EBF2: variants seen among roughly 807,000 people sequenced by gnomAD.
EBF2 encodes the protein EBF transcription factor 2.
In EBF2, 21 loss-of-function variants were observed where a neutral mutation model predicts 72.8. The ratio of observed to expected loss-of-function variants is 0.29; its 90% CI spans 0.20 to 0.42. EBF2 has a LOEUF of 0.42. Ranked by LOEUF, EBF2 falls within the 10% of genes least tolerant of loss-of-function variation. The probability of loss-of-function intolerance (pLI) is 1.00; values close to 1 mark genes in which losing one functional copy is unlikely to be tolerated. For missense variants in EBF2, 637 were observed against 731.2 expected, an observed-to-expected ratio of 0.87 and a Z score of 1.49; for synonymous variants, 299 against 274.2, an observed-to-expected ratio of 1.09 and a Z score of -0.89.
At chr8:25,899,197 T>G (rs1382888256) in intron 7 of EBF2, among the ~76,000 whole-genome samples, 1 of 151,466 alleles carries the variant, frequency 6.6e-6, no homozygotes, top group Admixed American at 6.6e-5. Flanking sequence ...TCCCCAAGCT[T>G]ACATCATTGG....
At chr8:26,033,031 G>A in intron 6 of EBF2, 54 bp downstream of exon 6, 1 of 1,509,032 alleles carries the variant, frequency 6.6e-7, no homozygotes, top group East Asian at 2.3e-5. Flanking sequence ...TCAGAGTTGA[G>A]GTTCATGAAG....
intron 10 of EBF2, among the ~76,000 whole-genome samples, chr8:25,882,585 A>C (rs1802622168): frequency 6.6e-6 from 1 of 152,200 alleles, no homozygotes; most frequent in Non-Finnish European, 1.5e-5. Context: ...TTCTTCCTGA[A>C]GAGCCAGTTG....
At chr8:25,925,527 C>T (rs1485546108) in intron 6 of EBF2, among the ~76,000 whole-genome samples, 1 of 152,192 alleles carries the variant, frequency 6.6e-6, no homozygotes, top group African/African-American at 2.4e-5. Context: ...TGAGTGTATG[C>T]TCTCACCCCC....
At chr8:25,907,923 C>T (rs1221135398) in intron 7 of EBF2, among the ~76,000 whole-genome samples, 1 of 152,144 alleles carries the variant, frequency 6.6e-6, no homozygotes, top group Admixed American at 6.5e-5. Flanking sequence ...CTCCTCAGTA[C>T]ATCAGTGGCA....
intron 6 of EBF2, among the ~76,000 whole-genome samples, chr8:25,978,330 G>A (rs1804301025): frequency 6.6e-6 from 1 of 152,208 alleles, no homozygotes; most frequent in African/African-American, 2.4e-5. Flanking sequence ...GTTTGGTGGT[G>A]GGCAGATTTT....
At chr8:25,884,864 G>T (rs1031655139) in intron 10 of EBF2, among the ~76,000 whole-genome samples, 6 of 152,098 alleles carry the variant, frequency 3.9e-5, no homozygotes, top group African/African-American at 1.4e-4. Flanking sequence ...TCCATCTACT[G>T]CTAATTGATA....
chr8:26,004,863 C>T (rs1457445015), intron 6 of EBF2, among the ~76,000 whole-genome samples: 1 of 151,806 alleles, frequency 6.6e-6, no homozygotes. Context: ...GAGATGGGTG[C>T]CATAGCTCAA....
chr8:26,037,426 G>T (rs1405123923), intron 5 of EBF2, among the ~76,000 whole-genome samples: 2 of 152,122 alleles, frequency 1.3e-5, no homozygotes, highest in African/African-American at 2.4e-5. Flanking sequence ...ACTCAAATAA[G>T]CGCACAGCAT....
At chr8:26,042,607 G>C (rs1465852317) in intron 1 of EBF2, among the ~76,000 whole-genome samples, 1 of 152,214 alleles carries the variant, frequency 6.6e-6, no homozygotes, top group Non-Finnish European at 1.5e-5. Context: ...GTCCTATACC[G>C]TGGGGCTGTC....
chr8:26,039,353 G>T (rs1482781056), intron 5 of EBF2, among the ~76,000 whole-genome samples: 1 of 152,156 alleles, frequency 6.6e-6, no homozygotes, highest in East Asian at 1.9e-4. Context: ...CTTTCACGAC[G>T]TGAATATCAG....
intron 10 of EBF2, among the ~76,000 whole-genome samples, chr8:25,864,810 T>TG (rs1802277834): frequency 6.6e-6 from 1 of 151,694 alleles, no homozygotes; most frequent in Non-Finnish European, 1.5e-5. Flanking sequence ...TTTTTTTTTT[T>TG]TTTTTGAGAC....
At chr8:25,916,055 G>A (rs568895766) in intron 6 of EBF2, among the ~76,000 whole-genome samples, 46 of 152,138 alleles carry the variant, frequency 3.0e-4, no homozygotes, top group African/African-American at 9.4e-4. Flanking sequence ...GGGGGCCGAG[G>A]CAGTCTGATC....
intron 6 of EBF2, among the ~76,000 whole-genome samples, chr8:26,000,245 C>A (rs1804702578): frequency 6.6e-6 from 1 of 152,154 alleles, no homozygotes; most frequent in Non-Finnish European, 1.5e-5. Flanking sequence ...ATATTTGTCA[C>A]TGGGCACCAC....
intron 6 of EBF2, among the ~76,000 whole-genome samples, chr8:25,950,099 T>C (rs1383546616): frequency 2.0e-5 from 3 of 152,240 alleles, no homozygotes; most frequent in Non-Finnish European, 4.4e-5. Flanking sequence ...GACCAGCTTC[T>C]ATAAACCATG....
At chr8:25,864,417 T>C (rs1802265473) in intron 10 of EBF2, among the ~76,000 whole-genome samples, 1 of 152,154 alleles carries the variant, frequency 6.6e-6, no homozygotes, top group Non-Finnish European at 1.5e-5. Flanking sequence ...TGGTATCATG[T>C]TGCAATATCA....
In EBF2 at chr8:25,950,213, T is replaced by G. The variant is rs60698368; in HGVS notation, c.552-41658A>C. ...GAATGTTCGCTAGATTACATTACTT[T>G]TGCAAAGACCTCTCTTCTTTTAAGC... On this transcript the variant is annotated intron_variant, in intron 6 of 15. Transcript: ENST00000520164. 6.9e-3 allele frequency among the ~76,000 whole-genome samples: 1,058 copies of G among 152,346 alleles called. 16 individuals are homozygous for G. Among genetic ancestry groups the G allele is most frequent in the African/African-American group, 0.024 (1,015 of 41,592 alleles).
At chr8:26,042,793 G>C (rs7826984) in intron 1 of EBF2, among the ~76,000 whole-genome samples, 1 of 152,300 alleles carries the variant, frequency 6.6e-6, no homozygotes, top group African/African-American at 2.4e-5. Context: ...GACTGGGAAA[G>C]GTAGTGGGTA....
intron 3 of EBF2, 95 bp downstream of exon 3, chr8:26,040,844 A>G: frequency 2.6e-6 from 4 of 1,566,366 alleles, no homozygotes; most frequent in Non-Finnish European, 3.5e-6. Flanking sequence ...CCTGGGCTCC[A>G]TGCGATCCCT....
At chr8:25,886,723 C>T (rs770721077) in intron 10 of EBF2, 32 bp downstream of exon 10, 7 of 1,588,852 alleles carry the variant, frequency 4.4e-6, no homozygotes, top group Middle Eastern at 1.7e-4. Flanking sequence ...AAACCAGAAG[C>T]CAGCCTCTCT....
Sources: allele counts gnomAD v4.1 joint callset (sites outside exome capture counted in the v4.1 genomes callset), GRCh38; gene constraint gnomAD v4.1.1; transcripts MANE v1.5; gene names NCBI Gene and HGNC (gene_info 2026-07-23, HGNC 2026-07-21).